FRMD4A: variants seen among roughly 807,000 people sequenced by gnomAD.
The protein encoded by FRMD4A is FERM domain-containing protein 4A.
A neutral mutation model predicts 129.1 loss-of-function variants in FRMD4A; 29 were observed. That is an observed-to-expected ratio of 0.22 (90% CI 0.17 to 0.31). FRMD4A has a LOEUF of 0.31. Among genes scored for constraint, FRMD4A ranks in the 10% least tolerant of loss-of-function variants. The pLI is 1.00. For missense variants in FRMD4A, 1,272 were observed against 1,375.8 expected, an observed-to-expected ratio of 0.92 and a Z score of 1.19; for synonymous variants, 634 against 571.6, an observed-to-expected ratio of 1.11 and a Z score of -1.56.
At chr10:13,768,985 A>ATTTTTTTTT (rs10558942) in intron 6 of FRMD4A, among the ~76,000 whole-genome samples, 1 of 103,336 alleles carries the variant, frequency 9.7e-6, no homozygotes, top group Non-Finnish European at 1.9e-5. Flanking sequence ...ACTTTACTAG[A>ATTTTTTTTT]TTTTTTTTTT....
intron 2 of FRMD4A, among the ~76,000 whole-genome samples, chr10:14,112,267 A>G (rs575633950): frequency 2.6e-5 from 4 of 152,032 alleles, no homozygotes; most frequent in Non-Finnish European, 4.4e-5. Context: ...AGTAATTAGG[A>G]GCTGTGTAGA....
chr10:13,700,144 C>T (rs2086660246), intron 14 of FRMD4A, among the ~76,000 whole-genome samples: 1 of 151,480 alleles, frequency 6.6e-6, no homozygotes, highest in Admixed American at 6.6e-5. Flanking sequence ...ATGGGGGTCT[C>T]ACTATGTTGC....
At chr10:14,092,745 G>A (rs1464421825) in intron 2 of FRMD4A, among the ~76,000 whole-genome samples, 2 of 152,220 alleles carry the variant, frequency 1.3e-5, no homozygotes, top group African/African-American at 2.4e-5. Context: ...GCTGGCACTC[G>A]AGGAGGGAGT....
At chr10:14,172,693 G>T (rs1363925601) in intron 2 of FRMD4A, among the ~76,000 whole-genome samples, 1 of 152,186 alleles carries the variant, frequency 6.6e-6, no homozygotes, top group Admixed American at 6.5e-5. Context: ...GGATGCCAGT[G>T]TCATTTGCCA....
intron 2 of FRMD4A, among the ~76,000 whole-genome samples, chr10:14,287,989 T>A (rs1038984952): frequency 6.6e-6 from 1 of 150,976 alleles, no homozygotes; most frequent in Admixed American, 6.6e-5. Flanking sequence ...AGAAACAAGA[T>A]GTTTATCCTT....
At chr10:13,989,783 G>C (rs1037427286) in intron 2 of FRMD4A, among the ~76,000 whole-genome samples, 3 of 152,204 alleles carry the variant, frequency 2.0e-5, no homozygotes, top group African/African-American at 7.2e-5. Context: ...ATAGTTAAGA[G>C]TTGCCAGATA....
intron 2 of FRMD4A, among the ~76,000 whole-genome samples, chr10:14,217,981 C>T (rs1843127169): frequency 6.6e-6 from 1 of 152,176 alleles, no homozygotes; most frequent in Admixed American, 6.5e-5. Context: ...CAGGCGTTCA[C>T]CACCACACCT....
chr10:13,780,695 G>C (rs2092711418), intron 6 of FRMD4A, among the ~76,000 whole-genome samples: 1 of 152,196 alleles, frequency 6.6e-6, no homozygotes, highest in African/African-American at 2.4e-5. Flanking sequence ...ACAAATGTTG[G>C]AGAGGATGTG....
intron 2 of FRMD4A, among the ~76,000 whole-genome samples, chr10:14,201,766 CT>C (rs1393816739): frequency 6.6e-6 from 1 of 152,150 alleles, no homozygotes; most frequent in Non-Finnish European, 1.5e-5. Flanking sequence ...TAGCAAATGA[CT>C]TTATTGTGGG....
intron 2 of FRMD4A, among the ~76,000 whole-genome samples, chr10:14,214,048 C>T (rs537367027): frequency 6.6e-6 from 1 of 152,346 alleles, no homozygotes; most frequent in Non-Finnish European, 1.5e-5. Context: ...TCTTGGCTGC[C>T]GCCATGTAAG....
chr10:13,868,976 A>G (rs2094407857), intron 2 of FRMD4A, among the ~76,000 whole-genome samples: 1 of 152,126 alleles, frequency 6.6e-6, no homozygotes, highest in African/African-American at 2.4e-5. Context: ...TCAAAGCTCA[A>G]CCCTCTGCGG....
chr10:13,902,735 G>C (rs932693459), intron 2 of FRMD4A, among the ~76,000 whole-genome samples: 1 of 151,780 alleles, frequency 6.6e-6, no homozygotes, highest in Non-Finnish European at 1.5e-5. Context: ...AGCTACTTGG[G>C]AGGCTGAGGC....
chr10:14,285,263 G>T (rs1845646256), intron 2 of FRMD4A, among the ~76,000 whole-genome samples: 1 of 152,112 alleles, frequency 6.6e-6, no homozygotes, highest in Non-Finnish European at 1.5e-5. Flanking sequence ...CACATTCTTG[G>T]GTCTGAGCCC....
intron 2 of FRMD4A, among the ~76,000 whole-genome samples, chr10:14,127,011 T>C (rs1838880876): frequency 3.3e-5 from 5 of 152,146 alleles, no homozygotes; most frequent in Admixed American, 3.3e-4. Flanking sequence ...TTCCTGCCCT[T>C]ATGGAGCTTA....
intron 2 of FRMD4A, among the ~76,000 whole-genome samples, chr10:14,286,981 G>A (rs984510274): frequency 1.3e-5 from 2 of 152,276 alleles, no homozygotes; most frequent in East Asian, 3.9e-4. Context: ...CAACACATTT[G>A]CATTCTCACA....
intron 2 of FRMD4A, among the ~76,000 whole-genome samples, chr10:14,087,211 AG>A (rs1020155894): frequency 2.0e-5 from 3 of 147,998 alleles, no homozygotes; most frequent in Non-Finnish European, 4.5e-5. Context: ...ATACACTTAT[AG>A]GATTATAAAT....
At chr10:14,113,354 C>T (rs960603039) in intron 2 of FRMD4A, among the ~76,000 whole-genome samples, 1 of 152,144 alleles carries the variant, frequency 6.6e-6, no homozygotes, top group African/African-American at 2.4e-5. Context: ...TTATGATGAT[C>T]CAGACCCACT....
intron 2 of FRMD4A, among the ~76,000 whole-genome samples, chr10:14,050,712 A>C (rs1834216597): frequency 6.6e-6 from 1 of 152,074 alleles, no homozygotes; most frequent in Non-Finnish European, 1.5e-5. Context: ...ACGCCTATGT[A>C]ATGAAACTCC....
At chr10:14,169,130 T>C (rs1318533015) in intron 2 of FRMD4A, among the ~76,000 whole-genome samples, 2 of 95,842 alleles carry the variant, frequency 2.1e-5, no homozygotes, top group Non-Finnish European at 4.5e-5. Context: ...AACATAAAAA[T>C]ATACAATGTC....
Sources: allele counts gnomAD v4.1 joint callset (sites outside exome capture counted in the v4.1 genomes callset), GRCh38; gene constraint gnomAD v4.1.1; transcripts MANE v1.5; gene names NCBI Gene and HGNC (gene_info 2026-07-23, HGNC 2026-07-21).